Variants in SERF1B observed in about 807,000 individuals in gnomAD.
SERF1B encodes small EDRK-rich factor 1.
At chr5:70,029,355 C>T (rs1774114000) in intron 2 of SERF1B, among the ~76,000 whole-genome samples, 1 of 151,232 alleles carries the variant, frequency 6.6e-6, no homozygotes, top group Admixed American at 6.6e-5. Flanking sequence ...AGGCTGGTCT[C>T]AAACTACTGA....
chr5:70,029,254 G>A (rs1314435345), intron 2 of SERF1B, among the ~76,000 whole-genome samples: 3 of 151,830 alleles, frequency 2.0e-5, no homozygotes, highest in East Asian at 1.9e-4. Flanking sequence ...TCCTGCGTCA[G>A]CAATCCAAGT....
intron 2 of SERF1B, among the ~76,000 whole-genome samples, chr5:70,036,732 A>G (rs1774195787): frequency 7.3e-6 from 1 of 136,102 alleles, no homozygotes; most frequent in South Asian, 2.4e-4. Flanking sequence ...AAAGCTGAGT[A>G]AGAACATTTA....
At chr5:70,029,396 A>T (rs1774115527) in intron 2 of SERF1B, among the ~76,000 whole-genome samples, 1 of 150,890 alleles carries the variant, frequency 6.6e-6, no homozygotes, top group African/African-American at 2.5e-5. Flanking sequence ...TCGGCCTCCC[A>T]AAGTGCTGGG....
At chr5:70,041,369 A>G (rs1774254933) in intron 2 of SERF1B, among the ~76,000 whole-genome samples, 155 bp from the exon 3 acceptor site, 1 of 151,034 alleles carries the variant, frequency 6.6e-6, no homozygotes, top group African/African-American at 2.5e-5. Context: ...AACCAATGTT[A>G]ATAATGGTAT....
intron 2 of SERF1B, among the ~76,000 whole-genome samples, chr5:70,037,615 C>T (rs1260012796): frequency 6.7e-6 from 1 of 149,596 alleles, no homozygotes; most frequent in East Asian, 2.0e-4. Flanking sequence ...CACCACTGCA[C>T]TCCAGTCTGG....
chr5:70,036,629 A>ACACACTCT lies in SERF1B; in HGVS notation c.117-4894_117-4893insACACTCTC, dbSNP rs763495681. The stretch of plus-strand genomic sequence containing the variant: ...CACACACACACACACACACACACAC[A>ACACACTCT]CTCTCTCTCTCTCTCTCTCTCTCTC... On this transcript the variant is annotated intron_variant, in intron 2 of 2. Transcript: ENST00000380750. Among the ~76,000 whole-genome samples, 445 of 49,976 alleles carry ACACACTCT rather than the reference A, an allele frequency of 8.9e-3. 1 individual carries two copies. The highest frequency in any genetic ancestry group is 0.012 in the Non-Finnish European group (263 of 22,746). 32.8% of individuals were successfully genotyped at this position (49,976 alleles called of 152,430 possible).
At chr5:70,029,302 A>G (rs1345236792) in intron 2 of SERF1B, among the ~76,000 whole-genome samples, 1 of 151,716 alleles carries the variant, frequency 6.6e-6, no homozygotes, top group African/African-American at 2.4e-5. Context: ...TGCCCAGCTA[A>G]TTTTTGTATT....
At chr5:70,041,000 G>A (rs896684663) in intron 2 of SERF1B, among the ~76,000 whole-genome samples, 1 of 151,548 alleles carries the variant, frequency 6.6e-6, no homozygotes, top group African/African-American at 2.4e-5. Context: ...TCTTAAACAC[G>A]CTATCTACTG....
chr5:70,029,270 G>A (rs528796235), intron 2 of SERF1B, among the ~76,000 whole-genome samples: 1 of 151,920 alleles, frequency 6.6e-6, no homozygotes, highest in Non-Finnish European at 1.5e-5. Flanking sequence ...CAAGTAGCTG[G>A]AATTGCAGGC....
intron 2 of SERF1B, among the ~76,000 whole-genome samples, chr5:70,028,974 CA>C (rs769578181): frequency 6.2e-4 from 90 of 145,486 alleles, no homozygotes; most frequent in African/African-American, 7.7e-4. Context: ...GAGACTCCGT[CA>C]AAAAAAAAAA....
chr5:70,032,102 TA>T (rs1319781355), intron 2 of SERF1B, among the ~76,000 whole-genome samples: 1 of 151,456 alleles, frequency 6.6e-6, no homozygotes, highest in African/African-American at 2.4e-5. Context: ...AAGGTCATGA[TA>T]ACAGAGATGG....
intron 2 of SERF1B, among the ~76,000 whole-genome samples, chr5:70,029,336 G>A (rs1774113601): frequency 6.6e-6 from 1 of 151,434 alleles, no homozygotes. Context: ...GGGTTTCACC[G>A]TGTTGGCCAG....
chr5:70,035,359 A>AT lies in SERF1B; in HGVS notation c.117-6161dup, dbSNP rs1774168410. ...CCACCATGCCCATCCCTGGAGAATA[A>AT]TTTTAATTATTATTATTATTATTAT... On this transcript the variant is annotated intron_variant, in intron 2 of 2. Coordinates refer to ENST00000380750, the MANE Select transcript of SERF1B (RefSeq NM_022978.3). Among the ~76,000 whole-genome samples, 4 of 129,634 alleles carry AT rather than the reference A, an allele frequency of 3.1e-5. No individual in the cohort carries two copies. In the Admixed American group the frequency reaches 3.3e-4, roughly 11 times the overall value. The allele number at this position is 129,634 out of a possible 152,430, so 85.0% of individuals were successfully genotyped here. A position where few individuals can be genotyped will look rare whatever the true frequency, so the allele number is the denominator to read the frequency against.
chr5:70,036,596 C>G (rs1774188376), intron 2 of SERF1B, among the ~76,000 whole-genome samples: 1 of 91,460 alleles, frequency 1.1e-5, no homozygotes, highest in African/African-American at 4.7e-5. Flanking sequence ...TCAAAACATA[C>G]ACACACACAC....
intron 2 of SERF1B, among the ~76,000 whole-genome samples, chr5:70,038,291 T>TA (rs1325680059): frequency 6.8e-6 from 1 of 146,218 alleles, no homozygotes; most frequent in Non-Finnish European, 1.5e-5. Flanking sequence ...CATACAGAGT[T>TA]ACGTATTTAA....
At chr5:70,036,594 T>TACACACACACACAC (rs1212936359) in intron 2 of SERF1B, among the ~76,000 whole-genome samples, 18 of 106,412 alleles carry the variant, frequency 1.7e-4, no homozygotes, top group African/African-American at 8.4e-4. Flanking sequence ...TCTCAAAACA[T>TACACACACACACAC]ACACACACAC....
In SERF1B at chr5:70,035,389, T is replaced by TTA. The variant is rs1774171333; in HGVS notation, c.117-6134_117-6133insAT. ...AATTATTATTATTATTATTATTTTT[T>TTA]TTTTTTTTTGAGACGGAGTTTCGCT... On this transcript the variant is annotated intron_variant, in intron 2 of 2. Coordinates refer to ENST00000380750, the MANE Select transcript of SERF1B (RefSeq NM_022978.3). Among the ~76,000 whole-genome samples the TTA allele has an allele frequency of 5.2e-5, 7 of 134,684 alleles. No individual in the cohort carries two copies. The East Asian group carries it at 1.4e-3, about 28-fold the overall frequency. The allele number at this position is 134,684 out of a possible 152,430, so 88.4% of individuals were successfully genotyped here. A position where few individuals can be genotyped will look rare whatever the true frequency, so the allele number is the denominator to read the frequency against.
At chr5:70,028,828 TTA>T in intron 2 of SERF1B, among the ~76,000 whole-genome samples, 2 of 145,640 alleles carry the variant, frequency 1.4e-5, no homozygotes, top group Non-Finnish European at 3.0e-5. Flanking sequence ...ATACAAAAAA[TTA>T]GTCGGGCGCA....
At chr5:70,029,882 G>A in intron 2 of SERF1B, 1 of 392,626 alleles carries the variant, frequency 2.5e-6, no homozygotes, top group African/African-American at 2.7e-5. Context: ...GAGTAGCTGG[G>A]ACTACAAGGG....
Sources: gnomAD v4.1 joint callset for allele counts (sites outside exome capture counted in the v4.1 genomes callset) on GRCh38, gnomAD v4.1.1 for gene constraint, MANE v1.5 for transcripts, NCBI Gene and HGNC (gene_info 2026-07-23, HGNC 2026-07-21) for gene names.